CCSER1: variants seen among roughly 807,000 people sequenced by gnomAD.
The protein encoded by CCSER1 is coiled-coil serine rich protein 1.
CCSER1 carries 41 observed loss-of-function variants against 82.0 expected under a neutral mutation model. The observed-to-expected ratio is 0.50, with a 90% CI of 0.39 to 0.65. CCSER1 has a LOEUF of 0.65. Among genes scored for constraint, CCSER1 ranks in the 30% least tolerant of loss-of-function variants. The probability of loss-of-function intolerance (pLI) is 0.00; values close to 1 mark genes in which losing one functional copy is unlikely to be tolerated. For missense variants in CCSER1, 1,119 were observed against 1,064.2 expected (o/e 1.05, Z -0.72); for synonymous variants, 414 against 383.9 (o/e 1.08, Z -0.92).
chr4:90,503,679 T>C (rs938736565), intron 5 of CCSER1, among the ~76,000 whole-genome samples: 1 of 152,112 alleles, frequency 6.6e-6, no homozygotes, highest in African/African-American at 2.4e-5. Flanking sequence ...TTTTTCTCCT[T>C]GCGATAGTTT....
intron 7 of CCSER1, among the ~76,000 whole-genome samples, chr4:90,807,473 G>T (rs965187214): frequency 8.5e-5 from 13 of 152,092 alleles, no homozygotes; most frequent in Non-Finnish European, 1.3e-4. Context: ...TTACAACTAA[G>T]CTAGGTGTGG....
At chr4:91,571,799 G>T (rs1243460174) in intron 10 of CCSER1, among the ~76,000 whole-genome samples, 1 of 152,150 alleles carries the variant, frequency 6.6e-6, no homozygotes, top group Non-Finnish European at 1.5e-5. Context: ...AGGATGGAGG[G>T]TCTGTGTTGT....
At chr4:91,390,925 T>C (rs1751607510) in intron 10 of CCSER1, among the ~76,000 whole-genome samples, 1 of 152,172 alleles carries the variant, frequency 6.6e-6, no homozygotes, top group Non-Finnish European at 1.5e-5. Flanking sequence ...TTATATCTCC[T>C]ATCTCACTTC....
chr4:91,339,439 C>G (rs970029850), intron 10 of CCSER1, among the ~76,000 whole-genome samples: 2 of 151,768 alleles, frequency 1.3e-5, no homozygotes, highest in South Asian at 4.2e-4. Context: ...TTACTTTATC[C>G]GAGTTAATAT....
In CCSER1 at chr4:90,872,116, A is replaced by T. The variant is rs146278935; in HGVS notation, c.2095-51254A>T. 4.9e-4 allele frequency among the ~76,000 whole-genome samples: 74 copies of T among 151,910 alleles called. 1 individual carries two copies. In the East Asian group the frequency reaches 0.012, roughly 25 times the overall value. ...TAGTTGGGGCTTTAAAAAAAAATCC[A>T]TTCAGCTACTTTATGTCTTTTGATT... On this transcript the variant is annotated intron_variant, in intron 8 of 10. Coordinates refer to ENST00000509176, the MANE Select transcript of CCSER1 (RefSeq NM_001145065.2).
At chr4:90,306,381 G>A (rs1734275129) in intron 1 of CCSER1, among the ~76,000 whole-genome samples, 1 of 151,930 alleles carries the variant, frequency 6.6e-6, no homozygotes, top group African/African-American at 2.4e-5. Flanking sequence ...TATATGAGGT[G>A]ATAAGTATGT....
chr4:90,247,511 A>G (rs934655181), intron 1 of CCSER1, among the ~76,000 whole-genome samples: 1 of 152,214 alleles, frequency 6.6e-6, no homozygotes, highest in Non-Finnish European at 1.5e-5. Context: ...ATTTTAAAGC[A>G]TAATTTTCCA....
chr4:90,295,118 T>A (rs1263503962), intron 1 of CCSER1, among the ~76,000 whole-genome samples: 1 of 151,968 alleles, frequency 6.6e-6, no homozygotes, highest in Non-Finnish European at 1.5e-5. Flanking sequence ...TTAATGAACA[T>A]TTATATTATT....
intron 10 of CCSER1, among the ~76,000 whole-genome samples, chr4:91,374,473 G>T (rs78827110): frequency 0.02 from 2,989 of 152,244 alleles, 76 homozygotes; most frequent in African/African-American, 0.067. Context: ...TGACAGCACT[G>T]CTGTTTACAA....
At chr4:91,418,303 T>TAAAAAAAAAA (rs142070235) in intron 10 of CCSER1, among the ~76,000 whole-genome samples, 10 of 113,632 alleles carry the variant, frequency 8.8e-5, no homozygotes, top group African/African-American at 1.1e-4. Flanking sequence ...ATTTTTTAAT[T>TAAAAAAAAAA]AAAAAAAAAA....
At chr4:91,280,543 G>A (rs1742837386) in intron 10 of CCSER1, among the ~76,000 whole-genome samples, 3 of 152,120 alleles carry the variant, frequency 2.0e-5, no homozygotes, top group South Asian at 2.1e-4. Flanking sequence ...AGGACAGGGC[G>A]ATCCCCAGAA....
chr4:91,522,245 T>C (rs904485680), intron 10 of CCSER1, among the ~76,000 whole-genome samples: 1 of 152,240 alleles, frequency 6.6e-6, no homozygotes, highest in Non-Finnish European at 1.5e-5. Flanking sequence ...TGTATATCTG[T>C]TTTGGTACCA....
intron 1 of CCSER1, among the ~76,000 whole-genome samples, chr4:90,304,803 AT>A (rs1363377014): frequency 6.6e-6 from 1 of 152,134 alleles, no homozygotes; most frequent in African/African-American, 2.4e-5. Flanking sequence ...TATAATAATA[AT>A]AAAAAATAAA....
chr4:91,035,744 G>A (rs1366871376), intron 9 of CCSER1, among the ~76,000 whole-genome samples: 2 of 152,072 alleles, frequency 1.3e-5, no homozygotes, highest in Non-Finnish European at 2.9e-5. Context: ...CTTGATCTTA[G>A]CCAAAAGGCT....
intron 3 of CCSER1, among the ~76,000 whole-genome samples, chr4:90,314,763 A>T (rs760417851): frequency 9.2e-5 from 14 of 151,616 alleles, no homozygotes; most frequent in East Asian, 1.9e-4. Flanking sequence ...AGATAAATAA[A>T]AAATAAATAA....
chr4:91,308,978 G>A (rs1476569325), intron 10 of CCSER1, among the ~76,000 whole-genome samples: 3 of 151,880 alleles, frequency 2.0e-5, no homozygotes, highest in Non-Finnish European at 2.9e-5. Context: ...TTAGGCTACT[G>A]GCCTAAACCC....
intron 5 of CCSER1, among the ~76,000 whole-genome samples, chr4:90,568,477 A>T (rs962696373): frequency 6.6e-6 from 1 of 151,912 alleles, no homozygotes; most frequent in Non-Finnish European, 1.5e-5. Flanking sequence ...AAGTTTGGTT[A>T]TTTCTACTCT....
intron 10 of CCSER1, among the ~76,000 whole-genome samples, chr4:91,446,153 TG>T (rs1444402005): frequency 1.3e-5 from 2 of 151,774 alleles, no homozygotes; most frequent in Non-Finnish European, 2.9e-5. Flanking sequence ...GTGCCTTCAT[TG>T]TTTGCTTTTT....
At chr4:91,049,968 T>C in intron 9 of CCSER1, among the ~76,000 whole-genome samples, 1 of 152,178 alleles carries the variant, frequency 6.6e-6, no homozygotes, top group East Asian at 1.9e-4. Flanking sequence ...TCAGAATAGT[T>C]ACTTCTCTAA....
Sources: gnomAD v4.1 joint callset for allele counts (sites outside exome capture counted in the v4.1 genomes callset) on GRCh38, gnomAD v4.1.1 for gene constraint, MANE v1.5 for transcripts, NCBI Gene and HGNC (gene_info 2026-07-23, HGNC 2026-07-21) for gene names.